Variants in TMEM231 observed in about 807,000 individuals in gnomAD.
TMEM231 encodes the protein transmembrane protein 231.
A neutral mutation model predicts 38.5 loss-of-function variants in TMEM231; 40 were observed. The ratio of observed to expected loss-of-function variants is 1.04; its 90% CI spans 0.81 to 1.35. The LOEUF (loss-of-function observed/expected upper bound fraction) is 1.35, where lower values mean the gene tolerates loss of function less well. TMEM231 is among the 40% of genes most tolerant of loss of function. The pLI is 0.00. For synonymous variants in TMEM231, 199 were observed against 181.7 expected (o/e 1.10, Z -0.77); for missense variants, 420 against 416.9 (o/e 1.01, Z -0.07).
chr16:75,549,603 G>C (rs1470383271), intron 2 of TMEM231, among the ~76,000 whole-genome samples: 2 of 152,148 alleles, frequency 1.3e-5, no homozygotes, highest in Non-Finnish European at 2.9e-5. Flanking sequence ...TTCTATAATA[G>C]CTCATAAGAA....
At chr16:75,546,090 AGCAG>A (rs2080687281) in intron 2 of TMEM231, 136 bp from the exon 3 acceptor site, 4 of 1,545,438 alleles carry the variant, frequency 2.6e-6, no homozygotes, top group African/African-American at 2.7e-5. Context: ...AAAAGAGAAA[AGCAG>A]ATAGATGTAA....
chr16:75,541,163 G>A (rs901687287), intron 6 of TMEM231, among the ~76,000 whole-genome samples, 187 bp downstream of exon 6: 3 of 149,400 alleles, frequency 2.0e-5, no homozygotes, highest in Non-Finnish European at 4.4e-5. Context: ...ACACATGTAC[G>A]CCACTATGCC....
At position 75,545,103 on chromosome 16, in the gene TMEM231, G is replaced by A. The variant is rs11149839; in HGVS notation, c.582+249C>T. 0.056 allele frequency among the ~76,000 whole-genome samples: 8,427 copies of A among 151,490 alleles called. 304 individuals carry two copies. The highest frequency in any genetic ancestry group is 0.083 in the Middle Eastern group (24 of 290). On this transcript the variant is annotated intron_variant, in intron 4 of 6. Coordinates refer to ENST00000258173, the MANE Select transcript of TMEM231 (RefSeq NM_001077418.3). ...CCCAAGTAGCTAGGATTACAGGCACGCACCACACGCCTGGCTAATTTTTTG... is the reference window on the plus strand; with the variant it reads ...CCCAAGTAGCTAGGATTACAGGCACACACCACACGCCTGGCTAATTTTTTG...
upstream of TMEM231, chr16:75,556,260 C>T (rs115739052): frequency 2.3e-3 from 3,180 of 1,382,836 alleles, 70 homozygotes; most frequent in African/African-American, 0.042. Flanking sequence ...TTTGGCTTCT[C>T]CTGGTTGCCA....
rs750683235 is a variant in TMEM231, at chr16:75,545,357, A to T, written c.577T>A (p.Tyr193Asn). 6.2e-7 allele frequency: 1 copy of T among 1,612,748 alleles called. No homozygotes were observed. The highest frequency in any genetic ancestry group is 1.3e-5 in the African/African-American group (1 of 74,950). ...PLSCGGLDAR[Y>N]NISVINGTSP... ...ACAATGAGAAGCGCTCTTACGTTGTATCGGGCATCTAGGCCACCACAGCTC... is the reference window on the plus strand; with the variant it reads ...ACAATGAGAAGCGCTCTTACGTTGTTTCGGGCATCTAGGCCACCACAGCTC... Residue 193 changes from tyrosine (Y) to asparagine (N), a missense_variant, in exon 4 of 7, where the codon TAC (tyrosine) becomes AAC (asparagine). Tyr to Asn is a moderately radical substitution (Grantham distance 143). Transcript: ENST00000258173.
rs905065417 is a variant in TMEM231 at position 75,556,246 on chromosome 16, C to T, written c.-37G>A. The stretch of plus-strand genomic sequence containing the variant: ...GCAGGCACTCCGCGAGCCGGGGGAC[C>T]AAGTTTGGCTTCTCCTGGTTGCCAT... On this transcript the variant is annotated 5_prime_UTR_variant, in exon 1 of 7. Coordinates refer to ENST00000258173, the MANE Select transcript of TMEM231 (RefSeq NM_001077418.3). The T allele has an allele frequency of 7.2e-7, 1 of 1,392,874 alleles. No homozygotes were observed. The highest frequency in any genetic ancestry group is 9.3e-7 in the Non-Finnish European group (1 of 1,077,624). 86.3% of individuals were successfully genotyped at this position (1,392,874 alleles called of 1,614,324 possible).
chr16:75,549,083 G>C (rs373343678), intron 2 of TMEM231, among the ~76,000 whole-genome samples: 12 of 152,070 alleles, frequency 7.9e-5, no homozygotes, highest in Non-Finnish European at 1.3e-4. Context: ...GTGGAGAGAG[G>C]GGGGAGAGAA....
chr16:75,550,739 G>A (rs1263134734), intron 2 of TMEM231, among the ~76,000 whole-genome samples: 1 of 138,186 alleles, frequency 7.2e-6, no homozygotes, highest in East Asian at 2.4e-4. Flanking sequence ...TTTTTGAGAT[G>A]CAGTCTGGCT....
rs58545518 is a variant in TMEM231, at chr16:75,541,180, A to AT, written c.770+169dup. On this transcript the variant is annotated intron_variant, in intron 6 of 6. Transcript: ENST00000258173. ...ACATGTACGCCACTATGCCTGGCTA[A>AT]TTTTTTTTTTTTTTTTTTTGGTAGA... Among the ~76,000 whole-genome samples the AT allele has an allele frequency of 0.25, 33,706 of 136,738 alleles. 4,199 individuals carry two copies. The highest frequency in any genetic ancestry group is 0.36 in the Middle Eastern group (94 of 262). The allele number at this position is 136,738 out of a possible 152,430, so 89.7% of individuals were successfully genotyped here.
At chr16:75,552,331 G>A (rs1017620965) in intron 2 of TMEM231, among the ~76,000 whole-genome samples, 4 of 151,944 alleles carry the variant, frequency 2.6e-5, no homozygotes, top group African/African-American at 9.7e-5. Flanking sequence ...GCAGGAGCCT[G>A]TAATCCAGCT....
chr16:75,546,432 C>G (rs2080692376), intron 2 of TMEM231, among the ~76,000 whole-genome samples: 1 of 151,676 alleles, frequency 6.6e-6, no homozygotes, highest in African/African-American at 2.4e-5. Context: ...CAGAAAATCA[C>G]CAAGCTCTAT....
chr16:75,539,801 G>C lies in TMEM231; in HGVS notation c.*193C>G, dbSNP rs1015586208. On this transcript the variant is annotated 3_prime_UTR_variant, in exon 7 of 7. Transcript: ENST00000258173. Reference sequence around the variant, plus strand: ...AACTCTCAGACCTTTCCACAAACTAGTCCCTGACAATTCTGCAGGAGCTCT... The same window carrying C: ...AACTCTCAGACCTTTCCACAAACTACTCCCTGACAATTCTGCAGGAGCTCT... 1 of 463,482 alleles carries C rather than the reference G, an allele frequency of 2.2e-6. No homozygotes were observed. The highest frequency in any genetic ancestry group is 2.0e-5 in the African/African-American group (1 of 50,030). The allele number at this position is 463,482 out of a possible 1,614,324, so 28.7% of individuals were successfully genotyped here. A position where few individuals can be genotyped will look rare whatever the true frequency, so the allele number is the denominator to read the frequency against.
At chr16:75,551,604 AG>A (rs773176474) in intron 2 of TMEM231, among the ~76,000 whole-genome samples, 7 of 152,288 alleles carry the variant, frequency 4.6e-5, no homozygotes, top group Admixed American at 2.6e-4. Context: ...CTTTTTAAAA[AG>A]TTACTAAAAG....
At chr16:75,545,532 A>T (rs1435835041) in intron 3 of TMEM231, 37 bp from the exon 4 acceptor site, 1 of 1,432,700 alleles carries the variant, frequency 7.0e-7, no homozygotes, top group African/African-American at 1.6e-5. Context: ...ACCAACCGCC[A>T]TCAGATCTGA....
At position 75,555,897 on chromosome 16, in the gene TMEM231, C is replaced by T; in HGVS notation, c.216G>A (p.Leu72=). The change falls in exon 2 of 7, where the codon CTG becomes CTA. Residue 72 remains leucine, a synonymous_variant. Transcript: ENST00000258173. ...RFQHQVLLVA[L]LGPESDGFLA... ...GGAACCCGTCGCTTTCGGGTCCGAG[C>T]AGGGCCACGAGCAGCACCTGGTGTT... The T allele has an allele frequency of 6.3e-7, 1 of 1,598,720 alleles. No homozygotes were observed. The highest frequency in any genetic ancestry group is 8.5e-7 in the Non-Finnish European group (1 of 1,173,242).
chr16:75,540,268 AGGCAG>A, intron 6 of TMEM231, 94 bp from the exon 7 acceptor site: 1 of 1,278,764 alleles, frequency 7.8e-7, no homozygotes, highest in Non-Finnish European at 1.1e-6. Flanking sequence ...TCTCGAAAGG[AGGCAG>A]GACCTCTGTC....
At chr16:75,544,253 G>A (rs1250730864) in intron 4 of TMEM231, among the ~76,000 whole-genome samples, 3 of 152,222 alleles carry the variant, frequency 2.0e-5, no homozygotes, top group African/African-American at 7.2e-5. Flanking sequence ...ATCCTGAGTA[G>A]GCCAGGCGGC....
intron 2 of TMEM231, chr16:75,555,380 T>C: frequency 5.9e-6 from 1 of 168,564 alleles, no homozygotes; most frequent in Non-Finnish European, 1.3e-5. Flanking sequence ...AATGCTGCCC[T>C]TTCCGTTCCT....
At chr16:75,544,608 G>A (rs2080661897) in intron 4 of TMEM231, among the ~76,000 whole-genome samples, 1 of 152,096 alleles carries the variant, frequency 6.6e-6, no homozygotes, top group Non-Finnish European at 1.5e-5. Context: ...ACTCAGGGGT[G>A]GCATATGTTA....
Sources: allele counts gnomAD v4.1 joint callset (sites outside exome capture counted in the v4.1 genomes callset), GRCh38; gene constraint gnomAD v4.1.1; transcripts MANE v1.5; gene names NCBI Gene and HGNC (gene_info 2026-07-23, HGNC 2026-07-21).